SEC23A: variants seen among roughly 807,000 people sequenced by gnomAD.
The protein encoded by SEC23A is protein transport protein Sec23A.
In SEC23A, 56 loss-of-function variants were observed where a neutral mutation model predicts 103.7. That is an observed-to-expected ratio of 0.54 (90% CI 0.44 to 0.67). SEC23A has a LOEUF of 0.67. SEC23A is among the 30% of genes least tolerant of loss of function. The pLI is 0.00. For missense variants in SEC23A, 784 were observed against 936.4 expected (o/e 0.84, Z 2.12); for synonymous variants, 281 against 293.0 (o/e 0.96, Z 0.42).
chr14:39,075,383 G>A (rs1886979113), intron 8 of SEC23A, among the ~76,000 whole-genome samples: 1 of 151,978 alleles, frequency 6.6e-6, no homozygotes, highest in African/African-American at 2.4e-5. Context: ...TACAGCACAA[G>A]CCAAATTAAA....
chr14:39,086,302 A>C (rs936679839), intron 6 of SEC23A, among the ~76,000 whole-genome samples: 1 of 152,234 alleles, frequency 6.6e-6, no homozygotes, highest in Non-Finnish European at 1.5e-5. Flanking sequence ...GAGAAAATAC[A>C]TCAACTAAAT....
chr14:39,033,148 T>C lies in SEC23A; in HGVS notation c.*91A>G. 1.1e-6 allele frequency: 1 copy of C among 906,618 alleles called. No homozygotes were observed. The highest frequency in any genetic ancestry group is 1.9e-6 in the Non-Finnish European group (1 of 538,504). The allele number at this position is 906,618 out of a possible 1,614,324, so 56.2% of individuals were successfully genotyped here. On this transcript the variant is annotated 3_prime_UTR_variant, in exon 20 of 20. Transcript: ENST00000307712. Reference sequence around the variant, plus strand: ...CTAATACAAAAAATATAGAGCAATATCTGTTGGTTTCCACAGATAAATGGA... The same window carrying C: ...CTAATACAAAAAATATAGAGCAATACCTGTTGGTTTCCACAGATAAATGGA...
chr14:39,053,533 A>G (rs1224056501), intron 14 of SEC23A, among the ~76,000 whole-genome samples: 2 of 152,010 alleles, frequency 1.3e-5, no homozygotes, highest in Non-Finnish European at 2.9e-5. Flanking sequence ...TTTTTAAAAA[A>G]AAGGTAATAT....
At chr14:39,057,284 C>T (rs1304685150) in intron 13 of SEC23A, among the ~76,000 whole-genome samples, 4 of 145,596 alleles carry the variant, frequency 2.7e-5, no homozygotes, top group East Asian at 2.0e-4. Flanking sequence ...CCAGCATGGG[C>T]GACAGAGCGA....
intron 13 of SEC23A, 60 bp from the exon 14 acceptor site, chr14:39,055,356 T>C: frequency 6.5e-7 from 1 of 1,538,380 alleles, no homozygotes; most frequent in Non-Finnish European, 9.0e-7. Flanking sequence ...AATATCATAG[T>C]TGGCTACCAC....
intron 9 of SEC23A, among the ~76,000 whole-genome samples, chr14:39,069,114 C>G (rs1886763097): frequency 6.6e-6 from 1 of 152,098 alleles, no homozygotes; most frequent in East Asian, 1.9e-4. Context: ...TTTCTCTGCT[C>G]CCTTTTACAG....
At chr14:39,066,476 C>T (rs1484423517) in intron 10 of SEC23A, among the ~76,000 whole-genome samples, 1 of 144,300 alleles carries the variant, frequency 6.9e-6, no homozygotes, top group South Asian at 2.1e-4. Context: ...AAACAGTTTC[C>T]TCTTTTTTTT....
At position 39,085,920 on chromosome 14, in the gene SEC23A, T is replaced by G; in HGVS notation, c.684-14A>C. 1 of 1,609,984 alleles carries G rather than the reference T, an allele frequency of 6.2e-7. No individual in the cohort carries two copies. The highest frequency in any genetic ancestry group is 1.1e-5 in the South Asian group (1 of 91,002). ...GGTTGTAAGAATCTAAGAAACAGAA[T>G]TAAATAAAAAGCCATTTGTAAATGT... is the stretch of plus-strand genomic sequence containing the variant. On this transcript the variant is annotated splice_polypyrimidine_tract_variant and intron_variant, in intron 6 of 19. Coordinates refer to ENST00000307712, the MANE Select transcript of SEC23A (RefSeq NM_006364.4).
chr14:39,094,886 T>C lies in SEC23A; in HGVS notation c.221+1012A>G, dbSNP rs532030555. On this transcript the variant is annotated intron_variant, in intron 2 of 19. Transcript: ENST00000307712. ...GGCAGAAATATATACAGAGGCTAGATCATACAAGGCTTTATAGATCTTGAT... is the reference window on the plus strand; with the variant it reads ...GGCAGAAATATATACAGAGGCTAGACCATACAAGGCTTTATAGATCTTGAT... 153 of 640,708 alleles carry C rather than the reference T, an allele frequency of 2.4e-4. 2 individuals are homozygous for C. The South Asian group carries it at 2.7e-3, about 11-fold the overall frequency. The allele number at this position is 640,708 out of a possible 1,614,324, so 39.7% of individuals were successfully genotyped here.
rs191049659 is a variant in SEC23A at position 39,032,460 on chromosome 14, T to C, written c.*779A>G. On this transcript the variant is annotated 3_prime_UTR_variant, in exon 20 of 20. Transcript: ENST00000307712. Reference sequence around the variant, plus strand: ...ACCATGCTGTGAAAACTAAATTTGGTTTAGTAGTTACAACCGTCATTTTAC... The same window carrying C: ...ACCATGCTGTGAAAACTAAATTTGGCTTAGTAGTTACAACCGTCATTTTAC... 6 of 152,598 alleles carry C rather than the reference T, an allele frequency of 3.9e-5. No individual in the cohort carries two copies. The highest frequency in any genetic ancestry group is 1.4e-4 in the African/African-American group (6 of 41,452). The allele number at this position is 152,598 out of a possible 1,614,324, so 9.5% of individuals were successfully genotyped here.
chr14:39,092,399 G>A lies in SEC23A; in HGVS notation c.366+142C>T, dbSNP rs1391141951. The stretch of plus-strand genomic sequence containing the variant: ...ACATAGGAATTACCCTGCTCAAACT[G>A]ACCTCAACAGTTCTTACCTTTGAAA... On this transcript the variant is annotated intron_variant, in intron 4 of 19. Coordinates refer to ENST00000307712, the MANE Select transcript of SEC23A (RefSeq NM_006364.4). The A allele has an allele frequency of 8.1e-5, 51 of 629,322 alleles. No individual in the cohort carries two copies. The East Asian group carries it at 1.5e-3, about 18-fold the overall frequency. 39.0% of individuals were successfully genotyped at this position (629,322 alleles called of 1,614,324 possible). A position where few individuals can be genotyped will look rare whatever the true frequency, so the allele number is the denominator to read the frequency against.
At chr14:39,092,520 T>G (rs759927154) in intron 4 of SEC23A, 21 bp downstream of exon 4, 1 of 1,415,468 alleles carries the variant, frequency 7.1e-7, no homozygotes, top group Admixed American at 1.8e-5. Context: ...CTTTCTTAAA[T>G]ATTTGTTCTT....
chr14:39,040,702 C>CA (rs1379406418), intron 18 of SEC23A, 30 bp downstream of exon 18: 1 of 1,614,038 alleles, frequency 6.2e-7, no homozygotes, highest in East Asian at 2.2e-5. Flanking sequence ...TAACAACAAA[C>CA]AAACACACAA....
chr14:39,065,053 A>G, intron 10 of SEC23A, 60 bp from the exon 11 acceptor site: 2 of 1,028,784 alleles, frequency 1.9e-6, no homozygotes, highest in Non-Finnish European at 1.5e-6. Flanking sequence ...ATGTTCAACT[A>G]CAGGTGTATA....
intron 15 of SEC23A, among the ~76,000 whole-genome samples, chr14:39,047,140 A>C (rs1302972006): frequency 6.6e-6 from 1 of 152,094 alleles, no homozygotes; most frequent in Non-Finnish European, 1.5e-5. Flanking sequence ...GACTTTGAAA[A>C]CCCAAGACAA....
intron 16 of SEC23A, 103 bp downstream of exon 16, chr14:39,045,060 T>C: frequency 1.0e-6 from 1 of 971,494 alleles, no homozygotes; most frequent in South Asian, 1.4e-5. Flanking sequence ...TTTAGTTAAA[T>C]TCTTATATTT....
At position 39,096,046 on chromosome 14, in the gene SEC23A, G is replaced by A; in HGVS notation, c.73C>T (p.Pro25Ser). The change falls in exon 2 of 20, where the codon CCA becomes TCA. Residue 25 changes from proline to serine, a missense_variant. Physicochemically the swap from Pro to Ser is moderately conservative, Grantham distance 74. Around this residue, in one of 2 missense-constraint regions of SEC23A, gnomAD observed 683 missense variants for 774.2 expected, o/e 0.88. Coordinates refer to ENST00000307712, the MANE Select transcript of SEC23A (RefSeq NM_006364.4). ...DGVRFSWNVW[P>S]SSRLEATRMV... ...CTTGTAGCTTCCAGTCGACTTGATG[G>A]CCAAACATTCCAACTAAATCGGACT... 8 of 1,614,002 alleles carry A rather than the reference G, an allele frequency of 5.0e-6. No individual in the cohort carries two copies. The highest frequency in any genetic ancestry group is 6.8e-6 in the Non-Finnish European group (8 of 1,179,934).
intron 1 of SEC23A, among the ~76,000 whole-genome samples, chr14:39,102,090 G>A (rs576481708): frequency 6.6e-6 from 1 of 152,154 alleles, no homozygotes; most frequent in East Asian, 1.9e-4. Flanking sequence ...AAATTAGCCG[G>A]GCATAGTAGC....
intron 9 of SEC23A, 133 bp from the exon 10 acceptor site, chr14:39,067,429 T>C: frequency 1.1e-6 from 1 of 886,060 alleles, no homozygotes; most frequent in South Asian, 1.6e-5. Flanking sequence ...GCTGTATTAC[T>C]AATTTTTAAT....
Sources: allele counts gnomAD v4.1 joint callset (sites outside exome capture counted in the v4.1 genomes callset), GRCh38; gene constraint gnomAD v4.1.1; regional missense constraint gnomAD v4.1.1; transcripts MANE v1.5; gene names NCBI Gene and HGNC (gene_info 2026-07-23, HGNC 2026-07-21).